SENP7: variants seen among roughly 807,000 people sequenced by gnomAD.
SENP7 encodes the protein sentrin-specific protease 7.
A neutral mutation model predicts 141.2 loss-of-function variants in SENP7; 64 were observed. The ratio of observed to expected loss-of-function variants is 0.45; its 90% confidence interval spans 0.37 to 0.56. SENP7 has a LOEUF of 0.56. SENP7 is among the 20% of genes least tolerant of loss of function. The probability of loss-of-function intolerance (pLI) is 0.00; values close to 1 mark genes in which losing one functional copy is unlikely to be tolerated. For synonymous variants in SENP7, 382 were observed against 426.4 expected, an observed-to-expected ratio of 0.90 and a Z score of 1.28; for missense variants, 1,025 against 1,212.2, an observed-to-expected ratio of 0.85 and a Z score of 2.29.
chr3:101,350,528 AAG>A (rs1024145351), intron 12 of SENP7, among the ~76,000 whole-genome samples: 5 of 152,098 alleles, frequency 3.3e-5, no homozygotes, highest in Non-Finnish European at 7.4e-5. Flanking sequence ...ATTATCACTG[AAG>A]AGAGTATTTT....
At chr3:101,446,990 T>C (rs1427565839) in intron 4 of SENP7, among the ~76,000 whole-genome samples, 1 of 151,678 alleles carries the variant, frequency 6.6e-6, no homozygotes, top group Non-Finnish European at 1.5e-5. Context: ...AAAACTGATA[T>C]ACCACTAGCT....
intron 11 of SENP7, among the ~76,000 whole-genome samples, chr3:101,353,001 T>C (rs2059650668): frequency 6.6e-6 from 1 of 151,990 alleles, no homozygotes; most frequent in African/African-American, 2.4e-5. Context: ...AAGTAGTAAG[T>C]AGGTAAACTT....
intron 4 of SENP7, among the ~76,000 whole-genome samples, chr3:101,418,613 G>C (rs2061692690): frequency 1.3e-5 from 2 of 151,604 alleles, no homozygotes; most frequent in Admixed American, 6.6e-5. Flanking sequence ...TTGTTTGTTT[G>C]CTTAACAAAC....
chr3:101,380,336 C>A (rs1228874578), intron 6 of SENP7, among the ~76,000 whole-genome samples: 1 of 151,468 alleles, frequency 6.6e-6, no homozygotes. Context: ...TACTAATTAA[C>A]TTTGGACTTT....
chr3:101,438,246 T>C (rs190466698), intron 4 of SENP7, among the ~76,000 whole-genome samples: 35 of 152,298 alleles, frequency 2.3e-4, no homozygotes, highest in African/African-American at 7.9e-4. Flanking sequence ...GGAAAATTAT[T>C]CACCTTTCAA....
At chr3:101,464,396 A>C (rs2063691597) in intron 3 of SENP7, among the ~76,000 whole-genome samples, 1 of 152,054 alleles carries the variant, frequency 6.6e-6, no homozygotes, top group South Asian at 2.1e-4. Flanking sequence ...GAGCAACTGA[A>C]ACTTCACCTG....
chr3:101,448,612 C>G (rs1055593980), intron 4 of SENP7, among the ~76,000 whole-genome samples: 2 of 152,120 alleles, frequency 1.3e-5, no homozygotes, highest in Non-Finnish European at 1.5e-5. Context: ...CAGTCTGCCC[C>G]TATTGTGGGG....
chr3:101,357,500 C>T, intron 11 of SENP7: 1 of 1,402,462 alleles, frequency 7.1e-7, no homozygotes, highest in Non-Finnish European at 9.6e-7. Flanking sequence ...TGCCCAAGAT[C>T]TTTGGCCAGA....
chr3:101,446,046 G>T (rs926267618), intron 4 of SENP7, among the ~76,000 whole-genome samples: 6 of 152,152 alleles, frequency 3.9e-5, no homozygotes, highest in Non-Finnish European at 5.9e-5. Context: ...GGAGGTGATT[G>T]GTTCGTGGGG....
chr3:101,362,002 A>C, intron 10 of SENP7, 141 bp from the exon 11 acceptor site: 1 of 910,266 alleles, frequency 1.1e-6, no homozygotes, highest in Non-Finnish European at 1.5e-6. Flanking sequence ...CTGTGAAGAA[A>C]TAGCTATCTA....
chr3:101,496,390 G>C (rs1240030146), intron 2 of SENP7, among the ~76,000 whole-genome samples: 1 of 151,988 alleles, frequency 6.6e-6, no homozygotes, highest in Non-Finnish European at 1.5e-5. Flanking sequence ...TGTGTAGCTG[G>C]GACCACAGGC....
chr3:101,407,315 T>C (rs1000380698), intron 5 of SENP7, among the ~76,000 whole-genome samples: 1 of 151,688 alleles, frequency 6.6e-6, no homozygotes, highest in Admixed American at 6.6e-5. Context: ...CGAAATGAGA[T>C]AGACAGCAAC....
intron 11 of SENP7, among the ~76,000 whole-genome samples, chr3:101,359,726 T>A (rs1394679793): frequency 6.6e-6 from 1 of 152,060 alleles, no homozygotes; most frequent in Non-Finnish European, 1.5e-5. Flanking sequence ...AATATCCCTT[T>A]GTTTTAATGT....
chr3:101,405,047 A>T (rs1247050390), intron 5 of SENP7, among the ~76,000 whole-genome samples: 1 of 152,164 alleles, frequency 6.6e-6, no homozygotes, highest in Non-Finnish European at 1.5e-5. Flanking sequence ...GGCAGACTAG[A>T]TTGCAGCTCT....
At chr3:101,456,126 A>G (rs1356622720) in intron 4 of SENP7, among the ~76,000 whole-genome samples, 1 of 151,396 alleles carries the variant, frequency 6.6e-6, no homozygotes, top group Non-Finnish European at 1.5e-5. Context: ...TGAACTAATT[A>G]TGTATTAATA....
At chr3:101,360,752 A>C (rs2059874268) in intron 11 of SENP7, among the ~76,000 whole-genome samples, 2 of 152,242 alleles carry the variant, frequency 1.3e-5, no homozygotes, top group South Asian at 4.1e-4. Flanking sequence ...ACACAGAATA[A>C]ATCTTAGAAG....
At chr3:101,455,996 G>C (rs1352356716) in intron 4 of SENP7, among the ~76,000 whole-genome samples, 4 of 152,132 alleles carry the variant, frequency 2.6e-5, no homozygotes, top group African/African-American at 4.8e-5. Context: ...AGACAACTAG[G>C]ATTTGGAAAT....
chr3:101,414,852 C>T (rs2061564820), intron 5 of SENP7, among the ~76,000 whole-genome samples: 1 of 151,882 alleles, frequency 6.6e-6, no homozygotes, highest in Non-Finnish European at 1.5e-5. Context: ...CAGAGATTTA[C>T]AGGAGAGTTT....
intron 1 of SENP7, among the ~76,000 whole-genome samples, chr3:101,511,193 C>A (rs1401610016): frequency 6.6e-6 from 1 of 152,118 alleles, no homozygotes; most frequent in Non-Finnish European, 1.5e-5. Context: ...ACGTAAATAT[C>A]AATGTCTTTT....
Sources: allele counts gnomAD v4.1 joint callset (sites outside exome capture counted in the v4.1 genomes callset), GRCh38; gene constraint gnomAD v4.1.1; transcripts MANE v1.5; gene names NCBI Gene and HGNC (gene_info 2026-07-23, HGNC 2026-07-21).